DNAH11: variants seen among roughly 807,000 people sequenced by gnomAD.
The protein encoded by DNAH11 is axonemal beta dynein heavy chain 11.
DNAH11 carries 442 observed loss-of-function variants against 526.0 expected under a neutral mutation model. That is an observed-to-expected ratio of 0.84 (90% confidence interval 0.78 to 0.91). DNAH11 has a LOEUF of 0.91. Among genes scored for constraint, DNAH11 ranks in the 40% least tolerant of loss-of-function variants. The probability of loss-of-function intolerance (pLI) is 0.00; values close to 1 mark genes in which losing one functional copy is unlikely to be tolerated. For missense variants in DNAH11, 6,989 were observed against 5,448.7 expected (o/e 1.28, Z -8.90); for synonymous variants, 2,461 against 1,935.9 (o/e 1.27, Z -7.12).
intron 67 of DNAH11, among the ~76,000 whole-genome samples, chr7:21,852,900 G>T (rs905603777): frequency 6.6e-6 from 1 of 152,200 alleles, no homozygotes; most frequent in South Asian, 2.1e-4. Context: ...GTGAAGAAAA[G>T]CTGAGGCCTG....
chr7:21,705,163 G>T (rs758739027), intron 38 of DNAH11, among the ~76,000 whole-genome samples: 32 of 152,170 alleles, frequency 2.1e-4, no homozygotes, highest in South Asian at 6.2e-4. Context: ...GATTGGCTAT[G>T]TACAGTGTTT....
chr7:21,878,166 C>A (rs1431726673), intron 74 of DNAH11, among the ~76,000 whole-genome samples: 1 of 152,128 alleles, frequency 6.6e-6, no homozygotes, highest in Non-Finnish European at 1.5e-5. Flanking sequence ...TACAACTGGC[C>A]TGAACTGTGG....
At chr7:21,761,106 T>G (rs1786881192) in intron 54 of DNAH11, among the ~76,000 whole-genome samples, 1 of 152,196 alleles carries the variant, frequency 6.6e-6, no homozygotes, top group African/African-American at 2.4e-5. Flanking sequence ...GTAAACTGTC[T>G]TAGAAAAGAG....
At chr7:21,656,998 CG>C in intron 29 of DNAH11, among the ~76,000 whole-genome samples, 1 of 152,144 alleles carries the variant, frequency 6.6e-6, no homozygotes, top group Non-Finnish European at 1.5e-5. Flanking sequence ...GCATGATGCC[CG>C]GAGGGGGATA....
At chr7:21,822,316 C>A (rs889012637) in intron 65 of DNAH11, among the ~76,000 whole-genome samples, 6 of 152,058 alleles carry the variant, frequency 3.9e-5, no homozygotes, top group African/African-American at 1.4e-4. Context: ...AGAAAGGGAG[C>A]AATAGAGAAT....
chr7:21,660,008 C>T (rs948050564), intron 30 of DNAH11, among the ~76,000 whole-genome samples: 10 of 152,010 alleles, frequency 6.6e-5, no homozygotes, highest in African/African-American at 1.4e-4. Context: ...ATTTTACACT[C>T]TTAGGGGAAG....
At chr7:21,552,820 C>A (rs1461087630) in intron 2 of DNAH11, among the ~76,000 whole-genome samples, 2 of 152,106 alleles carry the variant, frequency 1.3e-5, no homozygotes, top group African/African-American at 4.8e-5. Flanking sequence ...TTAGATCCAC[C>A]ACACTGAACC....
At chr7:21,719,324 A>G (rs17145131) in intron 43 of DNAH11, among the ~76,000 whole-genome samples, 2,464 of 152,354 alleles carry the variant, frequency 0.016, 65 homozygotes, top group African/African-American at 0.056. Context: ...TTTCCGATAT[A>G]TGACGCCTCT....
At chr7:21,852,280 A>G (rs1386614735) in intron 66 of DNAH11, among the ~76,000 whole-genome samples, 187 bp from the exon 67 acceptor site, 3 of 151,684 alleles carry the variant, frequency 2.0e-5, no homozygotes, top group Non-Finnish European at 4.4e-5. Context: ...GGTGGCAGGC[A>G]CCTGTAATCT....
At chr7:21,646,159 G>T (rs1373064420) in intron 28 of DNAH11, among the ~76,000 whole-genome samples, 1 of 152,106 alleles carries the variant, frequency 6.6e-6, no homozygotes, top group East Asian at 1.9e-4. Context: ...GGAATGGCTA[G>T]TAAACATAAG....
intron 5 of DNAH11, chr7:21,561,396 T>C: frequency 2.6e-6 from 1 of 392,156 alleles, no homozygotes; most frequent in East Asian, 4.2e-5. Flanking sequence ...TGGCTCCAGA[T>C]TGAAATTTTA....
chr7:21,557,418 A>T (rs1783260902), intron 2 of DNAH11, among the ~76,000 whole-genome samples: 1 of 152,166 alleles, frequency 6.6e-6, no homozygotes, highest in Non-Finnish European at 1.5e-5. Context: ...GGAAGTTCAA[A>T]ATCAAGCCAG....
chr7:21,710,701 A>C lies in DNAH11; in HGVS notation c.6832A>C (p.Lys2278Gln), dbSNP rs1304129900. 1.9e-6 allele frequency: 3 copies of C among 1,610,490 alleles called. No individual in the cohort carries two copies. Among genetic ancestry groups the C allele is most frequent in the Non-Finnish European group, 2.5e-6 (3 of 1,178,376 alleles). The change falls in exon 41 of 82, where the codon AAG (lysine) becomes CAG (glutamine). Residue 2278 changes from lysine to glutamine, a missense_variant and splice_region_variant. Lys to Gln is a moderately conservative substitution (Grantham distance 53). Transcript: ENST00000409508. ...ESLNTVMDDN[K>Q]VLTLASNERI... ...ACTGAATACTGTAATGGATGATAAC[A>C]AGGTGAATAAAACCTCTGTTCTCAA... is the stretch of plus-strand genomic sequence containing the variant.
intron 25 of DNAH11, among the ~76,000 whole-genome samples, chr7:21,629,986 T>A (rs776064717): frequency 6.6e-6 from 1 of 152,148 alleles, no homozygotes; most frequent in Non-Finnish European, 1.5e-5. Flanking sequence ...GTAATTTTTC[T>A]TTTTTACTTT....
chr7:21,670,867 C>CGTGTGT lies in DNAH11; in HGVS notation c.5329-10658_5329-10653dup, dbSNP rs59872330. The stretch of plus-strand genomic sequence containing the variant: ...TTATGAATTATCCTTTAAGTGTGTA[C>CGTGTGT]GTGTGTGTGTGTGTGTGTGTGTGTG... On this transcript the variant is annotated intron_variant, in intron 30 of 81. Transcript: ENST00000409508. 3.2e-3 allele frequency among the ~76,000 whole-genome samples: 474 copies of CGTGTGT among 147,276 alleles called. 1 individual carries two copies. The highest frequency in any genetic ancestry group is 6.5e-3 in the African/African-American group (263 of 40,474).
At chr7:21,631,140 C>T (rs754879037) in intron 25 of DNAH11, among the ~76,000 whole-genome samples, 3 of 152,166 alleles carry the variant, frequency 2.0e-5, no homozygotes, top group Non-Finnish European at 4.4e-5. Context: ...CTTGTGCAGG[C>T]AATCTCCCCT....
At chr7:21,826,384 T>G (rs1790300188) in intron 65 of DNAH11, among the ~76,000 whole-genome samples, 1 of 152,204 alleles carries the variant, frequency 6.6e-6, no homozygotes, top group Admixed American at 6.5e-5. Context: ...GGAATTATGT[T>G]TCTTTTTTCA....
intron 55 of DNAH11, among the ~76,000 whole-genome samples, chr7:21,770,363 A>T (rs1787382107): frequency 6.6e-6 from 1 of 152,200 alleles, no homozygotes; most frequent in African/African-American, 2.4e-5. Context: ...TTTGTGCGTG[A>T]AACAAAGTTT....
In DNAH11 at chr7:21,744,480, G is replaced by C; in HGVS notation, c.8197G>C (p.Asp2733His). 6.2e-7 allele frequency: 1 copy of C among 1,613,866 alleles called. No homozygotes were observed. The highest frequency in any genetic ancestry group is 8.5e-7 in the Non-Finnish European group (1 of 1,179,812). Residue 2733 changes from aspartate to histidine, a missense_variant, in exon 50 of 82, where the codon GAT becomes CAT. Physicochemically the swap from Asp to His is moderately conservative, Grantham distance 81. Transcript: ENST00000409508. ...TCCTGAGTGTTTAAAAGGTCCACTTGATTTAATACATCTGTGGCTTCATGA... is the reference window on the plus strand; with the variant it reads ...TCCTGAGTGTTTAAAAGGTCCACTTCATTTAATACATCTGTGGCTTCATGA... ...ASPECLKGPL[D>H]LIHLWLHESA...
Sources: allele counts gnomAD v4.1 joint callset (sites outside exome capture counted in the v4.1 genomes callset), GRCh38; gene constraint gnomAD v4.1.1; transcripts MANE v1.5; gene names NCBI Gene and HGNC (gene_info 2026-07-23, HGNC 2026-07-21).